Variants in INTS10 observed in about 807,000 individuals in gnomAD.
The protein encoded by INTS10 is integrator complex subunit 10.
INTS10 carries 44 observed loss-of-function variants against 94.4 expected under a neutral mutation model. That is an observed-to-expected ratio of 0.47 (90% CI 0.37 to 0.60). INTS10 has a LOEUF of 0.60. INTS10 is among the 20% of genes least tolerant of loss of function. The pLI is 0.00. For missense variants in INTS10, 797 were observed against 868.7 expected (o/e 0.92, Z 1.04); for synonymous variants, 341 against 320.7 (o/e 1.06, Z -0.68).
At position 19,849,284 on chromosome 8, in the gene INTS10, A is replaced by G. The variant is rs1293802795; in HGVS notation, c.1977-2365A>G. 2 of 1,001,816 alleles carry G rather than the reference A, an allele frequency of 2.0e-6. No homozygotes were observed. Among genetic ancestry groups the G allele is most frequent in the East Asian group, 6.2e-5 (1 of 16,106 alleles). The allele number at this position is 1,001,816 out of a possible 1,614,324, so 62.1% of individuals were successfully genotyped here. A position where few individuals can be genotyped will look rare whatever the true frequency, so the allele number is the denominator to read the frequency against. ...CCCGCTCATAGTGTGCTGTTTGTCA[A>G]CATGTTCGCTGCCCATGGTTCTCAG... On this transcript the variant is annotated intron_variant, in intron 16 of 16. Transcript: ENST00000397977. The surrounding 1 kb of genome is among the most constrained non-coding windows in gnomAD (Gnocchi z 4.6).
In INTS10 at chr8:19,843,981, T is replaced by C; in HGVS notation, c.1720-95T>C. On this transcript the variant is annotated intron_variant, in intron 14 of 16. Coordinates refer to ENST00000397977, the MANE Select transcript of INTS10 (RefSeq NM_018142.4). The surrounding 1 kb of genome is among the most constrained non-coding windows in gnomAD (Gnocchi z 4.7). ...TAATGACGTTTATCACACATTTGCA[T>C]ATACAGCATATTTTTGGAAAGTGAT... The C allele has an allele frequency of 1.1e-6, 1 of 926,650 alleles. No homozygotes were observed. Among genetic ancestry groups the C allele is most frequent in the East Asian group, 2.4e-5 (1 of 41,070 alleles). 57.4% of individuals were successfully genotyped at this position (926,650 alleles called of 1,614,324 possible).
rs532674918 is a variant in INTS10 at position 19,842,712 on chromosome 8, A to G, written c.1640-136A>G. On this transcript the variant is annotated intron_variant, in intron 13 of 16. Coordinates refer to ENST00000397977, the MANE Select transcript of INTS10 (RefSeq NM_018142.4). ...ATCACAAAGTATAATTGTGTTTCAA[A>G]TATAATTGAAATTGTGTGACTGTTG... 4 of 581,826 alleles carry G rather than the reference A, an allele frequency of 6.9e-6. No homozygotes were observed. The South Asian group carries it at 9.8e-5, about 14-fold the overall frequency. 36.0% of individuals were successfully genotyped at this position (581,826 alleles called of 1,614,324 possible).
At chr8:19,845,406 T>C (rs1168375593) in intron 15 of INTS10, 3 of 298,790 alleles carry the variant, frequency 1.0e-5, no homozygotes, top group African/African-American at 2.1e-5. Flanking sequence ...GTTGTCCTCA[T>C]GCTCTTTAGC....
intron 8 of INTS10, 78 bp downstream of exon 8, chr8:19,825,050 C>T: frequency 1.7e-6 from 2 of 1,209,444 alleles, no homozygotes; most frequent in East Asian, 4.7e-5. Context: ...AGTGTTTATC[C>T]AGTATTGCTG....
intron 8 of INTS10, 35 bp downstream of exon 8, chr8:19,825,007 A>G: frequency 6.4e-7 from 1 of 1,563,544 alleles, no homozygotes; most frequent in Non-Finnish European, 8.8e-7. Context: ...CCAAAAAGCC[A>G]GTTCATACTG....
intron 4 of INTS10, chr8:19,821,265 G>A (rs2066351559): frequency 6.6e-6 from 1 of 152,176 alleles, no homozygotes; most frequent in African/African-American, 2.4e-5. Flanking sequence ...CTAAAAGTCA[G>A]GTGTTGGCAG....
intron 16 of INTS10, among the ~76,000 whole-genome samples, chr8:19,850,701 T>C (rs566811296): frequency 7.2e-5 from 11 of 152,322 alleles, no homozygotes; most frequent in Admixed American, 7.2e-4. Flanking sequence ...AGGTGACTTT[T>C]ATTTGTCTAA....
intron 12 of INTS10, 44 bp from the exon 13 acceptor site, chr8:19,837,008 C>T (rs1310994199): frequency 2.4e-6 from 3 of 1,253,268 alleles, no homozygotes; most frequent in Admixed American, 3.4e-5. Context: ...GATTTCAGTT[C>T]AGAAAGCTTC....
chr8:19,826,614 T>G, intron 9 of INTS10, 55 bp downstream of exon 9: 1 of 1,513,310 alleles, frequency 6.6e-7, no homozygotes, highest in Non-Finnish European at 9.0e-7. Flanking sequence ...TTGCTAGAGA[T>G]GAATCTTTGT....
Position 19,819,598 on chromosome 8 carries a change from G to C in INTS10, c.223G>C (p.Val75Leu). The C allele has an allele frequency of 6.2e-7, 1 of 1,612,666 alleles. No individual in the cohort carries two copies. Among genetic ancestry groups the C allele is most frequent in the South Asian group, 1.1e-5 (1 of 90,802 alleles). Residue 75 changes from valine (V) to leucine (L), a missense_variant, in exon 3 of 17, where the codon GTG (valine) becomes CTG (leucine). Around this residue, in one of 3 missense-constraint regions of INTS10, gnomAD observed 734 missense variants for 787.8 expected, o/e 0.93. Coordinates refer to ENST00000397977, the MANE Select transcript of INTS10 (RefSeq NM_018142.4). ...GTTTGTGAATTTCCCAGACCAGCCG[G>C]TGGTGTGGAGAGAAATCAGCATTAT... ...DMFVNFPDQP[V>L]VWREISIITS...
At chr8:19,818,692 C>G (rs977275928) in intron 2 of INTS10, 3 of 306,042 alleles carry the variant, frequency 9.8e-6, no homozygotes, top group African/African-American at 2.2e-5. Context: ...GGCAGTATAT[C>G]TATACATGTA....
At chr8:19,820,621 A>G (rs1638798471) in intron 4 of INTS10, 103 bp downstream of exon 4, 6 of 1,011,304 alleles carry the variant, frequency 5.9e-6, no homozygotes, top group Non-Finnish European at 5.7e-6. Flanking sequence ...TCTGAAGAGT[A>G]CTGGTTAAGA....
At chr8:19,845,210 G>A (rs1009035251) in intron 15 of INTS10, among the ~76,000 whole-genome samples, 1 of 152,132 alleles carries the variant, frequency 6.6e-6, no homozygotes, top group South Asian at 2.1e-4. Context: ...TTCCTCCTCT[G>A]ATGCATCTAT....
Position 19,851,573 on chromosome 8 carries a change from C to T in INTS10, c.1977-76C>T. 1 of 1,385,812 alleles carries T rather than the reference C, an allele frequency of 7.2e-7. No homozygotes were observed. The highest frequency in any genetic ancestry group is 1.0e-6 in the Non-Finnish European group (1 of 980,632). The allele number at this position is 1,385,812 out of a possible 1,614,324, so 85.8% of individuals were successfully genotyped here. A position where few individuals can be genotyped will look rare whatever the true frequency, so the allele number is the denominator to read the frequency against. On this transcript the variant is annotated intron_variant, in intron 16 of 16. Transcript: ENST00000397977. This position sits in a 1 kb window ranked among gnomAD's most constrained non-coding sequence, Gnocchi z 5.0. ...ACTTAGATATGGGGCAGGCTTTATT[C>T]CTACCCAAGTAGCAGCGATCAGCGA...
At position 19,844,182 on chromosome 8, in the gene INTS10, A is replaced by G. The variant is rs367792193; in HGVS notation, c.1826A>G (p.Asn609Ser). Reference protein sequence around the residue: ...RGENLFLKAVNKICQQGNFQY... With the variant: ...RGENLFLKAVSKICQQGNFQY... ...GAGAATCTTTTCCTGAAAGCTGTCAATAAAATTTGCCAACAAGGAAATTTC... is the reference window on the plus strand; with the variant it reads ...GAGAATCTTTTCCTGAAAGCTGTCAGTAAAATTTGCCAACAAGGAAATTTC... Residue 609 changes from asparagine (N) to serine (S), a missense_variant, in exon 15 of 17, where the codon AAT becomes AGT. Physicochemically the swap from Asn to Ser is conservative, Grantham distance 46. Around this residue, in one of 3 missense-constraint regions of INTS10, gnomAD observed 734 missense variants for 787.8 expected, o/e 0.93. Transcript: ENST00000397977. 5.6e-6 allele frequency: 9 copies of G among 1,613,778 alleles called. No individual in the cohort carries two copies. Among genetic ancestry groups the G allele is most frequent in the African/African-American group, 2.7e-5 (2 of 74,946 alleles).
intron 8 of INTS10, 47 bp downstream of exon 8, chr8:19,825,019 G>A: frequency 6.7e-7 from 1 of 1,498,256 alleles, no homozygotes; most frequent in Non-Finnish European, 9.3e-7. Context: ...TTCATACTGT[G>A]GGGATGGTAA....
Position 19,851,530 on chromosome 8 carries a change from T to A in INTS10, c.1977-119T>A, listed in dbSNP as rs532299671. ...GTTGCAGCTATTCTTGTGTTCTTTT[T>A]AAAATATCTGAAATTATACTTAGAT... On this transcript the variant is annotated intron_variant, in intron 16 of 16. Coordinates refer to ENST00000397977, the MANE Select transcript of INTS10 (RefSeq NM_018142.4). This position sits in a 1 kb window ranked among gnomAD's most constrained non-coding sequence, Gnocchi z 5.0. 26 of 918,216 alleles carry A rather than the reference T, an allele frequency of 2.8e-5. No homozygotes were observed. Among genetic ancestry groups the A allele is most frequent in the African/African-American group, 8.3e-5 (5 of 59,942 alleles). 56.9% of individuals were successfully genotyped at this position (918,216 alleles called of 1,614,324 possible).
chr8:19,818,620 A>T, intron 2 of INTS10: 1 of 445,090 alleles, frequency 2.2e-6, no homozygotes, highest in Non-Finnish European at 4.1e-6. Context: ...TTCAAACACT[A>T]CTTGTTATAG....
At chr8:19,842,790 C>T (rs1179655773) in intron 13 of INTS10, 58 bp from the exon 14 acceptor site, 2 of 1,174,242 alleles carry the variant, frequency 1.7e-6, no homozygotes, top group Admixed American at 1.9e-5. Context: ...AGTTGCCTTT[C>T]AAAGCTGTTA....
Sources: allele counts gnomAD v4.1 joint callset (sites outside exome capture counted in the v4.1 genomes callset), GRCh38; gene constraint gnomAD v4.1.1; regional missense constraint gnomAD v4.1.1; non-coding constraint Gnocchi (gnomAD v3.1); transcripts MANE v1.5; gene names NCBI Gene and HGNC (gene_info 2026-07-23, HGNC 2026-07-21).